TCP11: variants seen among roughly 807,000 people sequenced by gnomAD.
TCP11 encodes t-complex 11.
In TCP11, 34 loss-of-function variants were observed where a neutral mutation model predicts 45.0. The observed-to-expected ratio is 0.76, with a 90% CI of 0.57 to 1.01. TCP11 has a LOEUF of 1.01. Among genes scored for constraint, TCP11 ranks in the 50% least tolerant of loss-of-function variants. TCP11 has a pLI of 0.00. For synonymous variants in TCP11, 227 were observed against 227.0 expected (o/e 1.00, Z 0.00); for missense variants, 523 against 598.1 (o/e 0.87, Z 1.31).
At chr6:35,133,972 T>C (rs537125779) in intron 3 of TCP11, among the ~76,000 whole-genome samples, 1 of 152,186 alleles carries the variant, frequency 6.6e-6, no homozygotes, top group East Asian at 1.9e-4. Flanking sequence ...TGTTCAGATT[T>C]TGATAAATAA....
intron 2 of TCP11, among the ~76,000 whole-genome samples, chr6:35,138,109 G>C (rs993465377): frequency 2.0e-5 from 3 of 151,290 alleles, no homozygotes; most frequent in Admixed American, 2.0e-4. Flanking sequence ...AGGATGTGGA[G>C]GAAAGGGAAC....
rs1464120196 is a variant in TCP11, at chr6:35,139,169, CAG to C, written c.124+1576_124+1577del. Among the ~76,000 whole-genome samples the C allele has an allele frequency of 2.0e-5, 3 of 150,708 alleles. No homozygotes were observed. The East Asian group carries it at 5.8e-4, about 29-fold the overall frequency. ...CACCATTGCACTCTAGCCTGGGTGA[CAG>C]AGACTCCGTCTCAAAAAACAGCTAG... On this transcript the variant is annotated intron_variant, in intron 2 of 9. Transcript: ENST00000311875.
Position 35,140,842 on chromosome 6 carries a change from G to T in TCP11, c.29C>A (p.Pro10Gln). The T allele has an allele frequency of 6.4e-7, 1 of 1,568,748 alleles. No individual in the cohort carries two copies. Residue 10 changes from proline (P) to glutamine (Q), a missense_variant, in exon 2 of 10, where the codon CCG becomes CAG. Around this residue, in one of 2 missense-constraint regions of TCP11, gnomAD observed 225 missense variants for 210.2 expected, o/e 1.07. Coordinates refer to ENST00000311875, the MANE Select transcript of TCP11 (RefSeq NM_001370687.1). ...GCCCTCTGAGTCGCCAGGATATTTC[G>T]GGGGCACACTCTCCTTGACGTCTGG... is the stretch of plus-strand genomic sequence containing the variant. Reference protein sequence around the residue: MPDVKESVPPKYPGDSEGRS... With the variant: MPDVKESVPQKYPGDSEGRS...
chr6:35,121,726 T>C (rs368317449), intron 5 of TCP11, among the ~76,000 whole-genome samples: 2 of 151,396 alleles, frequency 1.3e-5, no homozygotes, highest in African/African-American at 4.9e-5. Context: ...GGCAGGAGAA[T>C]CGCTTGAACC....
intron 3 of TCP11, among the ~76,000 whole-genome samples, chr6:35,132,080 A>C (rs1344276079): frequency 1.3e-5 from 2 of 152,246 alleles, no homozygotes; most frequent in African/African-American, 4.8e-5. Context: ...CATCACCAGC[A>C]AGATAAATGG....
chr6:35,133,144 T>C (rs1402943715), intron 3 of TCP11, among the ~76,000 whole-genome samples: 1 of 152,196 alleles, frequency 6.6e-6, no homozygotes, highest in Non-Finnish European at 1.5e-5. Flanking sequence ...TCAATTGTTT[T>C]TTCTTTTCTC....
Position 35,120,869 on chromosome 6 carries a change from TA to T in TCP11, c.715+39del, listed in dbSNP as rs774739234. On this transcript the variant is annotated intron_variant, in intron 6 of 9. Transcript: ENST00000311875. The surrounding 1 kb of genome is among the most constrained non-coding windows in gnomAD (Gnocchi z 4.9). ...AACATTATAAAAGTCAGACCCAAGGTAATACCTTTCCCACTCCTGCCCTCAC... is the reference window on the plus strand; with the variant it reads ...AACATTATAAAAGTCAGACCCAAGGTATACCTTTCCCACTCCTGCCCTCAC... 1 of 1,585,856 alleles carries T rather than the reference TA, an allele frequency of 6.3e-7. No individual in the cohort carries two copies. Among genetic ancestry groups the T allele is most frequent in the Non-Finnish European group, 8.6e-7 (1 of 1,164,606 alleles).
At chr6:35,138,076 T>G (rs1241436112) in intron 2 of TCP11, among the ~76,000 whole-genome samples, 1 of 152,140 alleles carries the variant, frequency 6.6e-6, no homozygotes, top group Non-Finnish European at 1.5e-5. Context: ...TATCCAAAAC[T>G]CAGGCAATAA....
chr6:35,133,737 C>T (rs757107545), intron 3 of TCP11, among the ~76,000 whole-genome samples: 49 of 151,884 alleles, frequency 3.2e-4, no homozygotes, highest in Non-Finnish European at 6.6e-4. Flanking sequence ...TTGCAGCAAG[C>T]TGAGATCGCG....
rs78587936 is a variant in TCP11, at chr6:35,124,123, C to T, written c.358-1786G>A. On this transcript the variant is annotated intron_variant, in intron 4 of 9. Transcript: ENST00000311875. Reference sequence around the variant, plus strand: ...TTCGGATTTTTGAGGCAACATGCACCACATTTGTGTTTGCTACTTTGACAT... The same window carrying T: ...TTCGGATTTTTGAGGCAACATGCACTACATTTGTGTTTGCTACTTTGACAT... Among the ~76,000 whole-genome samples, 205 of 152,258 alleles carry T rather than the reference C, an allele frequency of 1.3e-3. 2 individuals carry two copies. The highest frequency in any genetic ancestry group is 5.8e-3 in the Admixed American group (88 of 15,294).
intron 4 of TCP11, chr6:35,128,735 GTCTCATGGCATAGCTATGCCC>G (rs1780094320): frequency 4.9e-6 from 1 of 205,160 alleles, no homozygotes; most frequent in Non-Finnish European, 9.8e-6. Flanking sequence ...GGCCAGTAAC[GTCTCATGGCATAGCTATGCCC>G]TCTCAAATGA....
intron 2 of TCP11, among the ~76,000 whole-genome samples, chr6:35,139,749 A>G (rs1240145420): frequency 6.6e-6 from 1 of 152,208 alleles, no homozygotes. Context: ...GCAATTCCAA[A>G]ACAGCTCTAA....
chr6:35,139,436 T>C (rs551393602), intron 2 of TCP11, among the ~76,000 whole-genome samples: 1 of 152,320 alleles, frequency 6.6e-6, no homozygotes, highest in Admixed American at 6.5e-5. Flanking sequence ...TCTGCTTAGG[T>C]AAACATGAAG....
intron 3 of TCP11, among the ~76,000 whole-genome samples, chr6:35,130,010 A>G (rs534075516): frequency 7.4e-4 from 113 of 152,152 alleles, no homozygotes; most frequent in Non-Finnish European, 1.2e-3. Flanking sequence ...CTTGAACTCC[A>G]GGGCTCAAGA....
At chr6:35,141,119 C>CGT (rs1043496600) in intron 1 of TCP11, 86 bp downstream of exon 1, 1 of 1,302,748 alleles carries the variant, frequency 7.7e-7, no homozygotes, top group East Asian at 3.1e-5. Flanking sequence ...GGGCGGGAAG[C>CGT]GTGGGAAGGC....
In TCP11 at chr6:35,130,055, T is replaced by A. The variant is rs1780228888; in HGVS notation, c.237-873A>T. On this transcript the variant is annotated intron_variant, in intron 3 of 9. Transcript: ENST00000311875. ...GCCTCTGCCTTCCAAAGTGCTGAGA[T>A]TACAGACGTGAGCCACTGCACCCAG... Among the ~76,000 whole-genome samples the A allele has an allele frequency of 2.0e-5, 3 of 152,158 alleles. No homozygotes were observed. The South Asian group carries it at 6.2e-4, about 32-fold the overall frequency.
Position 35,119,359 on chromosome 6 carries a change from T to G in TCP11, c.1148A>C (p.Gln383Pro). Residue 383 changes from glutamine (Q) to proline (P), a missense_variant, in exon 9 of 10, where the codon CAG (glutamine) becomes CCG (proline). By Grantham distance (76) the Gln-to-Pro change is moderately conservative. This residue lies in a region of TCP11 where 298 missense variants were observed against 387.9 expected (regional missense o/e 0.77). Transcript: ENST00000311875. ...GCTTTGATGGATTTCCTGAGATACCTGTTCACTCACAGTCAGTATAGCTTC... is the reference window on the plus strand; with the variant it reads ...GCTTTGATGGATTTCCTGAGATACCGGTTCACTCACAGTCAGTATAGCTTC... ...PEEAILTVSEQVSQEIHQSLK... is the reference protein window; with the variant it reads ...PEEAILTVSEPVSQEIHQSLK... 6.2e-7 allele frequency: 1 copy of G among 1,614,238 alleles called. No individual in the cohort carries two copies.
At position 35,129,856 on chromosome 6, in the gene TCP11, C is replaced by T. The variant is rs955422519; in HGVS notation, c.237-674G>A. ...ATGGCACAATCAAGGCTCACTGAAG[C>T]CTCAACCTCCCACGCGCAAGCAAAT... On this transcript the variant is annotated intron_variant, in intron 3 of 9. Coordinates refer to ENST00000311875, the MANE Select transcript of TCP11 (RefSeq NM_001370687.1). 3.3e-5 allele frequency among the ~76,000 whole-genome samples: 5 copies of T among 152,222 alleles called. No individual in the cohort carries two copies. In the East Asian group the frequency reaches 9.6e-4, roughly 29 times the overall value.
Position 35,140,881 on chromosome 6 carries a change from G to T in TCP11, c.-11C>A. ...CTTGACGTCTGGCATTTTGCTGATG[G>T]TATCTGGGTGAGGGAGAAAGGCGTG... is the stretch of plus-strand genomic sequence containing the variant. On this transcript the variant is annotated 5_prime_UTR_variant, in exon 2 of 10. Coordinates refer to ENST00000311875, the MANE Select transcript of TCP11 (RefSeq NM_001370687.1). The T allele has an allele frequency of 6.4e-7, 1 of 1,568,838 alleles. No homozygotes were observed. The highest frequency in any genetic ancestry group is 1.2e-5 in the South Asian group (1 of 83,950).
Sources: allele counts gnomAD v4.1 joint callset (sites outside exome capture counted in the v4.1 genomes callset), GRCh38; gene constraint gnomAD v4.1.1; regional missense constraint gnomAD v4.1.1; non-coding constraint Gnocchi (gnomAD v3.1); transcripts MANE v1.5; gene names NCBI Gene and HGNC (gene_info 2026-07-23, HGNC 2026-07-21).